Variants in ZNF121 observed in about 807,000 individuals in gnomAD.
The protein encoded by ZNF121 is zinc finger protein 121.
A neutral mutation model predicts 2.4 loss-of-function variants in ZNF121; 1 was observed. The ratio of observed to expected loss-of-function variants is 0.41; its 90% confidence interval spans 0.15 to 1.94. The LOEUF (loss-of-function observed/expected upper bound fraction) is 1.94, where lower values mean the gene tolerates loss of function less well. Ranked by LOEUF, ZNF121 falls within the 30% of genes most tolerant of loss-of-function variation. ZNF121 has a pLI of 0.30. For missense variants in ZNF121, 369 were observed against 466.3 expected (o/e 0.79, Z 1.92); for synonymous variants, 173 against 158.6 (o/e 1.09, Z -0.68).
At chr19:9,579,984 T>A (rs186358853) in intron 1 of ZNF121, among the ~76,000 whole-genome samples, 6 of 152,244 alleles carry the variant, frequency 3.9e-5, no homozygotes, top group Admixed American at 3.9e-4. Context: ...GGCCACCATG[T>A]CTGTGGGTAA....
chr19:9,574,233 C>A (rs1449366239), intron 1 of ZNF121, among the ~76,000 whole-genome samples: 2 of 152,198 alleles, frequency 1.3e-5, no homozygotes, highest in East Asian at 3.9e-4. Context: ...GCAACCTCCG[C>A]CTCCCAGGTT....
Position 9,566,735 on chromosome 19 carries a change from A to C in ZNF121, c.378T>G (p.Thr126=), listed in dbSNP as rs1243487454. 6.2e-7 allele frequency: 1 copy of C among 1,614,076 alleles called. No individual in the cohort carries two copies. The highest frequency in any genetic ancestry group is 2.2e-5 in the East Asian group (1 of 44,888). The part of the protein sequence containing the change: ...YEQKQCGRAF[T]YSTSHAVSVK... The stretch of plus-strand genomic sequence containing the variant: ...CAGACACAGCATGGCTTGTGGAGTA[A>C]GTAAAAGCTCTCCCACATTGCTTCT... Residue 126 remains threonine (T), a synonymous_variant, in exon 4 of 4, where the codon ACT becomes ACG. Transcript: ENST00000320451.
At position 9,563,985 on chromosome 19, in the gene ZNF121, C is replaced by G. The variant is rs896596312; in HGVS notation, c.*1955G>C. Reference sequence around the variant, plus strand: ...CCAAGAGCTCTTATGGAGGTATAAACAAGATTGGCGTTTTCATGTCTGCTA... The same window carrying G: ...CCAAGAGCTCTTATGGAGGTATAAAGAAGATTGGCGTTTTCATGTCTGCTA... On this transcript the variant is annotated 3_prime_UTR_variant, in exon 4 of 4. Transcript: ENST00000320451. 2 of 152,146 alleles carry G rather than the reference C, an allele frequency of 1.3e-5. No homozygotes were observed. Among genetic ancestry groups the G allele is most frequent in the African/African-American group, 2.4e-5 (1 of 41,436 alleles). 9.4% of individuals were successfully genotyped at this position (152,146 alleles called of 1,614,324 possible).
At chr19:9,575,029 C>G (rs982675705) in intron 1 of ZNF121, among the ~76,000 whole-genome samples, 5 of 152,328 alleles carry the variant, frequency 3.3e-5, no homozygotes, top group Admixed American at 6.5e-5. Context: ...CCACCAGGCT[C>G]AGCCTCACAA....
At position 9,566,118 on chromosome 19, in the gene ZNF121, C is replaced by T; in HGVS notation, c.995G>A (p.Arg332Lys). The T allele has an allele frequency of 6.2e-7, 1 of 1,614,000 alleles. No homozygotes were observed. The highest frequency in any genetic ancestry group is 1.7e-5 in the Admixed American group (1 of 60,006). Residue 332 changes from arginine to lysine, a missense_variant, in exon 4 of 4, where the codon AGA (arginine) becomes AAA (lysine). Physicochemically the swap from Arg to Lys is conservative, Grantham distance 26. Transcript: ENST00000320451. The part of the protein sequence containing the change: ...ATSSQLIEHI[R>K]THTGEKPYIC... ...ATACGGTTTCTCTCCAGTGTGAGTTCTTATATGTTCAATGAGTTGTGAAGA... is the reference window on the plus strand; with the variant it reads ...ATACGGTTTCTCTCCAGTGTGAGTTTTTATATGTTCAATGAGTTGTGAAGA...
rs180921137 is a variant in ZNF121 at position 9,576,905 on chromosome 19, A to G, written c.-160+7556T>C. Reference sequence around the variant, plus strand: ...GGCGCATACAACCTACCATGATTGAACCATGAACAAACAGAAAACCTCAAC... The same window carrying G: ...GGCGCATACAACCTACCATGATTGAGCCATGAACAAACAGAAAACCTCAAC... On this transcript the variant is annotated intron_variant, in intron 1 of 3. Coordinates refer to ENST00000320451, the MANE Select transcript of ZNF121 (RefSeq NM_001008727.5). Among the ~76,000 whole-genome samples the G allele has an allele frequency of 1.6e-3, 243 of 152,352 alleles. 1 individual carries two copies. The highest frequency in any genetic ancestry group is 4.9e-3 in the African/African-American group (205 of 41,578).
In ZNF121 at chr19:9,566,265, G is replaced by C; in HGVS notation, c.848C>G (p.Pro283Arg). ...TTTCCCACACTCCTTACATTTATAG[G>C]GTTTTATTCCAGTGTGAATTCTAAA... is the stretch of plus-strand genomic sequence containing the variant. The part of the protein sequence containing the change: ...NHFRIHTGIK[P>R]YKCKECGKAF... The change falls in exon 4 of 4, where the codon CCC (proline) becomes CGC (arginine). Residue 283 changes from proline to arginine, a missense_variant. This residue lies in a region of ZNF121 where 127 missense variants were observed against 169.9 expected (regional missense o/e 0.75). Coordinates refer to ENST00000320451, the MANE Select transcript of ZNF121 (RefSeq NM_001008727.5). 1 of 1,614,090 alleles carries C rather than the reference G, an allele frequency of 6.2e-7. No individual in the cohort carries two copies. Among genetic ancestry groups the C allele is most frequent in the South Asian group, 1.1e-5 (1 of 91,068 alleles).
In ZNF121 at chr19:9,566,530, T is replaced by C. The variant is rs1279965515; in HGVS notation, c.583A>G (p.Thr195Ala). 2 of 1,614,124 alleles carry C rather than the reference T, an allele frequency of 1.2e-6. No homozygotes were observed. Among genetic ancestry groups the C allele is most frequent in the Middle Eastern group, 1.6e-4 (1 of 6,084 alleles). Residue 195 changes from threonine to alanine, a missense_variant, in exon 4 of 4, where the codon ACT becomes GCT. Thr to Ala is a moderately conservative substitution (Grantham distance 58, BLOSUM62 0). Around this residue, in one of 4 missense-constraint regions of ZNF121, gnomAD observed 68 missense variants for 105.5 expected, o/e 0.64. Transcript: ENST00000320451. ...SHLVEHVRIH[T>A]GEKPYQCKEC... ...TTACATTGATAAGGTTTCTCTCCAG[T>C]ATGAATTCTTACATGTTCAACTAGG... is the stretch of plus-strand genomic sequence containing the variant.
At chr19:9,574,248 C>A (rs1316077786) in intron 1 of ZNF121, among the ~76,000 whole-genome samples, 1 of 152,092 alleles carries the variant, frequency 6.6e-6, no homozygotes, top group Non-Finnish European at 1.5e-5. Flanking sequence ...CAGGTTCAAG[C>A]GATTCTCCTG....
intron 1 of ZNF121, among the ~76,000 whole-genome samples, chr19:9,575,125 G>A (rs1229011343): frequency 1.3e-5 from 2 of 152,126 alleles, no homozygotes; most frequent in African/African-American, 2.4e-5. Flanking sequence ...TGATATCTAA[G>A]AATACCGTAT....
chr19:9,577,341 T>G (rs2074217951), intron 1 of ZNF121, among the ~76,000 whole-genome samples: 2 of 151,772 alleles, frequency 1.3e-5, no homozygotes, highest in Admixed American at 1.3e-4. Flanking sequence ...TCCCTGCTAC[T>G]AAGGAGGCTG....
chr19:9,562,871 A>T lies in ZNF121; in HGVS notation c.*3069T>A, dbSNP rs1216035062. On this transcript the variant is annotated 3_prime_UTR_variant, in exon 4 of 4. Transcript: ENST00000320451. ...GTTCAAGATCAGCCGGGTAAACAGT[A>T]AAGTCCTGCCTCTTTAAAAAAAAAA... The T allele has an allele frequency of 7.0e-6, 1 of 143,188 alleles. No homozygotes were observed. Among genetic ancestry groups the T allele is most frequent in the African/African-American group, 2.6e-5 (1 of 38,192 alleles). 8.9% of individuals were successfully genotyped at this position (143,188 alleles called of 1,614,324 possible).
At position 9,574,090 on chromosome 19, in the gene ZNF121, C is replaced by T. The variant is rs147335351; in HGVS notation, c.-159-5008G>A. Among the ~76,000 whole-genome samples the T allele has an allele frequency of 8.7e-4, 131 of 151,246 alleles. 1 individual carries two copies. Among genetic ancestry groups the T allele is most frequent in the Non-Finnish European group, 7.8e-4 (53 of 67,844 alleles). On this transcript the variant is annotated intron_variant, in intron 1 of 3. Transcript: ENST00000320451. ...GTTTGAAATGCTTGTTTCCCGGTGCCGTAAAGAAATAGCACTTGAACATAA... is the reference window on the plus strand; with the variant it reads ...GTTTGAAATGCTTGTTTCCCGGTGCTGTAAAGAAATAGCACTTGAACATAA...
At chr19:9,572,629 CCA>C (rs1231745442) in intron 1 of ZNF121, among the ~76,000 whole-genome samples, 1 of 152,132 alleles carries the variant, frequency 6.6e-6, no homozygotes, top group African/African-American at 2.4e-5. Context: ...GCCAGCCTTC[CCA>C]CAGTGCTGGA....
intron 1 of ZNF121, among the ~76,000 whole-genome samples, chr19:9,582,607 G>C (rs925264603): frequency 1.2e-4 from 18 of 152,070 alleles, no homozygotes. Context: ...CTCATACAAA[G>C]CCTGTTTGGT....
rs2074119415 is a variant in ZNF121 at position 9,564,850 on chromosome 19, C to T, written c.*1090G>A. The stretch of plus-strand genomic sequence containing the variant: ...AAGAGTCAATCAATGCAGCAATCTT[C>T]ACTGCTGTCTTATTTTAAGAAACTG... On this transcript the variant is annotated 3_prime_UTR_variant, in exon 4 of 4. Coordinates refer to ENST00000320451, the MANE Select transcript of ZNF121 (RefSeq NM_001008727.5). 6.6e-6 allele frequency: 1 copy of T among 152,306 alleles called. No individual in the cohort carries two copies. The highest frequency in any genetic ancestry group is 1.5e-5 in the Non-Finnish European group (1 of 68,034). 9.4% of individuals were successfully genotyped at this position (152,306 alleles called of 1,614,324 possible). A position where few individuals can be genotyped will look rare whatever the true frequency, so the allele number is the denominator to read the frequency against.
At chr19:9,569,723 G>A (rs2074159142) in intron 1 of ZNF121, among the ~76,000 whole-genome samples, 2 of 151,704 alleles carry the variant, frequency 1.3e-5, no homozygotes, top group South Asian at 4.2e-4. Flanking sequence ...TATAGAGACA[G>A]GGTTTCACCA....
At chr19:9,576,555 T>A (rs1490663287) in intron 1 of ZNF121, among the ~76,000 whole-genome samples, 2 of 152,050 alleles carry the variant, frequency 1.3e-5, no homozygotes, top group Non-Finnish European at 2.9e-5. Flanking sequence ...AATAACCGAA[T>A]GATACCCTTA....
intron 1 of ZNF121, among the ~76,000 whole-genome samples, chr19:9,580,702 C>T (rs1265173417): frequency 6.6e-6 from 1 of 152,198 alleles, no homozygotes; most frequent in African/African-American, 2.4e-5. Flanking sequence ...ACTTGGTCCA[C>T]CTGATCCAGC....
Sources: allele counts gnomAD v4.1 joint callset (sites outside exome capture counted in the v4.1 genomes callset), GRCh38; gene constraint gnomAD v4.1.1; regional missense constraint gnomAD v4.1.1; transcripts MANE v1.5; gene names NCBI Gene and HGNC (gene_info 2026-07-23, HGNC 2026-07-21).